The following COG5 variants were observed in gnomAD, a reference collection of about 807,000 sequenced individuals.
COG5 encodes conserved oligomeric Golgi complex subunit 5.
In COG5, 86 loss-of-function variants were observed where a neutral mutation model predicts 110.4. The observed-to-expected ratio is 0.78, with a 90% CI of 0.65 to 0.93. COG5 has a LOEUF of 0.93. Ranked by LOEUF, COG5 falls within the 40% of genes least tolerant of loss-of-function variation. The pLI is 0.00. For synonymous variants in COG5, 360 were observed against 334.6 expected (o/e 1.08, Z -0.83); for missense variants, 1,077 against 987.0 (o/e 1.09, Z -1.22).
chr7:107,260,633 C>T (rs1803258917), intron 14 of COG5, among the ~76,000 whole-genome samples: 1 of 151,864 alleles, frequency 6.6e-6, no homozygotes, highest in Admixed American at 6.6e-5. Flanking sequence ...CTCTGTGAAC[C>T]TTGTGAAAAT....
intron 6 of COG5, among the ~76,000 whole-genome samples, chr7:107,494,449 T>G (rs1798149310): frequency 6.6e-6 from 1 of 152,208 alleles, no homozygotes; most frequent in Admixed American, 6.5e-5. Context: ...GCCTACGATG[T>G]CACAGCCACA....
chr7:107,227,557 T>A (rs967285093), intron 19 of COG5, among the ~76,000 whole-genome samples: 3 of 151,600 alleles, frequency 2.0e-5, no homozygotes, highest in Non-Finnish European at 3.0e-5. Context: ...GGCAGAAAAT[T>A]TCCATCTTAA....
intron 6 of COG5, among the ~76,000 whole-genome samples, chr7:107,456,171 A>AT (rs1255699100): frequency 1.3e-5 from 2 of 152,350 alleles, no homozygotes; most frequent in East Asian, 3.9e-4. Flanking sequence ...CGGTTCTAAC[A>AT]TAAGAAACAA....
rs770206928 is a variant in COG5 at position 107,248,517 on chromosome 7, AG to A, written c.1750-19del. 6 of 1,534,590 alleles carry A rather than the reference AG, an allele frequency of 3.9e-6. No individual in the cohort carries two copies. The highest frequency in any genetic ancestry group is 1.4e-5 in the African/African-American group (1 of 72,780). The stretch of plus-strand genomic sequence containing the variant: ...TGAATAGCCTAAAAAAAAAAAAGAA[AG>A]AAAAAAAAGAAGAGGCAAGATTAAA... On this transcript the variant is annotated intron_variant, in intron 16 of 21. Transcript: ENST00000297135.
chr7:107,546,435 G>GTTTTTTTTTTTTTTTTTTT (rs754919944), intron 5 of COG5, among the ~76,000 whole-genome samples: 4 of 119,484 alleles, frequency 3.3e-5, no homozygotes, highest in Non-Finnish European at 6.9e-5. Flanking sequence ...TTGGTTTTTT[G>GTTTTTTTTTTTTTTTTTTT]TTTTTTTTTT....
In COG5 at chr7:107,241,428, CTA is replaced by C. The variant is rs34699008; in HGVS notation, c.1854-4743_1854-4742del. Among the ~76,000 whole-genome samples, 579 of 144,826 alleles carry C rather than the reference CTA, an allele frequency of 4.0e-3. 5 individuals carry two copies. The highest frequency in any genetic ancestry group is 0.014 in the African/African-American group (540 of 39,738). Reference sequence around the variant, plus strand: ...TATATATCTATATCCATCTATCTATCTATATATATATATATTTATTTTTTATT... The same window carrying C: ...TATATATCTATATCCATCTATCTATCTATATATATATATTTATTTTTTATT... On this transcript the variant is annotated intron_variant, in intron 17 of 21. Coordinates refer to ENST00000297135, the MANE Select transcript of COG5 (RefSeq NM_006348.5).
intron 13 of COG5, among the ~76,000 whole-genome samples, chr7:107,282,478 T>G (rs1299348165): frequency 1.3e-5 from 2 of 152,164 alleles, no homozygotes; most frequent in African/African-American, 4.8e-5. Context: ...TGTAGGTACG[T>G]TTGCAGCAAA....
intron 5 of COG5, among the ~76,000 whole-genome samples, chr7:107,529,428 T>C (rs1287978729): frequency 6.6e-6 from 1 of 152,186 alleles, no homozygotes; most frequent in Non-Finnish European, 1.5e-5. Flanking sequence ...TGAATGCAAA[T>C]GCCAGGGAGA....
intron 6 of COG5, among the ~76,000 whole-genome samples, chr7:107,440,374 T>C (rs1794635188): frequency 6.6e-6 from 1 of 152,096 alleles, no homozygotes; most frequent in African/African-American, 2.4e-5. Context: ...TTAGTTTTGG[T>C]TGTTTTTCTT....
intron 10 of COG5, among the ~76,000 whole-genome samples, chr7:107,344,921 A>G (rs1469526783): frequency 6.6e-6 from 1 of 152,200 alleles, no homozygotes; most frequent in Non-Finnish European, 1.5e-5. Context: ...GCTAATTAGT[A>G]TAAGAAACCT....
At chr7:107,506,463 C>A (rs1041029408) in intron 6 of COG5, among the ~76,000 whole-genome samples, 1 of 152,100 alleles carries the variant, frequency 6.6e-6, no homozygotes, top group African/African-American at 2.4e-5. Flanking sequence ...AGCAGCAGCC[C>A]CTGGGCAGGA....
At chr7:107,365,948 A>C (rs1367036435) in intron 8 of COG5, among the ~76,000 whole-genome samples, 6 of 152,154 alleles carry the variant, frequency 3.9e-5, no homozygotes, top group African/African-American at 1.4e-4. Context: ...TTCTTCAATG[A>C]ATAGCTAGCA....
rs74966419 is a variant in COG5 at position 107,267,449 on chromosome 7, A to G, written c.1576-9066T>C. On this transcript the variant is annotated intron_variant, in intron 14 of 21. Transcript: ENST00000297135. ...GGCCTTGTTAATTAAATTTAGAGTC[A>G]TAAGTCTGCATATTTTTAATTATTT... Among the ~76,000 whole-genome samples, 664 of 152,352 alleles carry G rather than the reference A, an allele frequency of 4.4e-3. 6 individuals are homozygous for G. The highest frequency in any genetic ancestry group is 0.016 in the African/African-American group (648 of 41,588).
chr7:107,302,223 G>A (rs1807325659), intron 11 of COG5, among the ~76,000 whole-genome samples: 1 of 152,112 alleles, frequency 6.6e-6, no homozygotes, highest in African/African-American at 2.4e-5. Context: ...CAATATAGCT[G>A]AATCTCAATA....
intron 17 of COG5, among the ~76,000 whole-genome samples, chr7:107,241,744 G>A (rs1331541587): frequency 1.3e-5 from 2 of 151,970 alleles, no homozygotes; most frequent in African/African-American, 4.8e-5. Context: ...GAGCCACCGC[G>A]CCCAGCCTGT....
chr7:107,334,134 T>C (rs915387620), intron 10 of COG5, among the ~76,000 whole-genome samples: 1 of 152,060 alleles, frequency 6.6e-6, no homozygotes, highest in Non-Finnish European at 1.5e-5. Context: ...GCAGCACTGG[T>C]CAAGCTACGG....
intron 11 of COG5, among the ~76,000 whole-genome samples, chr7:107,316,648 C>G (rs999315571): frequency 1.1e-3 from 92 of 80,060 alleles, no homozygotes; most frequent in Admixed American, 3.3e-3. Flanking sequence ...TCAGTCTCTA[C>G]TAAAAATACA....
chr7:107,375,507 G>A (rs1814558603), intron 7 of COG5, among the ~76,000 whole-genome samples: 1 of 151,962 alleles, frequency 6.6e-6, no homozygotes, highest in Non-Finnish European at 1.5e-5. Context: ...CCACAAATTT[G>A]CCAAAAATTC....
intron 6 of COG5, among the ~76,000 whole-genome samples, chr7:107,420,806 T>C (rs1401134927): frequency 1.3e-5 from 2 of 152,238 alleles, no homozygotes; most frequent in African/African-American, 4.8e-5. Context: ...TACCATCACA[T>C]AAACTATGCA....
Sources: gnomAD v4.1 joint callset for allele counts (sites outside exome capture counted in the v4.1 genomes callset) on GRCh38, gnomAD v4.1.1 for gene constraint, MANE v1.5 for transcripts, NCBI Gene and HGNC (gene_info 2026-07-23, HGNC 2026-07-21) for gene names.